The following SMYD4 variants were observed in gnomAD, a reference collection of about 807,000 sequenced individuals.
SMYD4 encodes SET and MYND domain containing 4.
A neutral mutation model predicts 72.8 loss-of-function variants in SMYD4; 68 were observed. The observed-to-expected ratio is 0.93, with a 90% confidence interval of 0.77 to 1.14. SMYD4 has a LOEUF of 1.14. Ranked by LOEUF, SMYD4 falls within the 50% of genes most tolerant of loss-of-function variation. The pLI is 0.00. For missense variants in SMYD4, 984 were observed against 1,003.7 expected, an observed-to-expected ratio of 0.98 and a Z score of 0.27; for synonymous variants, 407 against 388.6, an observed-to-expected ratio of 1.05 and a Z score of -0.56.
intron 2 of SMYD4, among the ~76,000 whole-genome samples, chr17:1,816,606 C>G (rs574096781): frequency 6.7e-6 from 1 of 149,808 alleles, no homozygotes; most frequent in African/African-American, 2.5e-5. Flanking sequence ...GGCGACAAAG[C>G]GAGACTCTGT....
At chr17:1,792,346 C>A (rs953255155) in intron 5 of SMYD4, among the ~76,000 whole-genome samples, 11 of 151,584 alleles carry the variant, frequency 7.3e-5, no homozygotes, top group African/African-American at 2.7e-4. Context: ...GCCTAAAATG[C>A]ATTTTAGAAT....
intron 2 of SMYD4, among the ~76,000 whole-genome samples, 177 bp downstream of exon 2, chr17:1,827,684 C>T (rs1452487257): frequency 6.6e-6 from 1 of 152,086 alleles, no homozygotes; most frequent in East Asian, 1.9e-4. Flanking sequence ...GCCTGTACTC[C>T]CAGCACCTTG....
chr17:1,794,276 ATT>A (rs57986348), intron 5 of SMYD4, among the ~76,000 whole-genome samples: 4 of 128,428 alleles, frequency 3.1e-5, no homozygotes, highest in Non-Finnish European at 5.0e-5. Flanking sequence ...CACCAGGCTA[ATT>A]TTTTTTTTTT....
rs551268973 is a variant in SMYD4 at position 1,816,769 on chromosome 17, G to A, written c.135-4654C>T. ...CACACTATGGCCTTTTTGTAGGTGT[G>A]TGAAGTGATCTCTCACTGTGGTTTT... On this transcript the variant is annotated intron_variant, in intron 2 of 10. Coordinates refer to ENST00000305513, the MANE Select transcript of SMYD4 (RefSeq NM_052928.3). Among the ~76,000 whole-genome samples, 4 of 151,956 alleles carry A rather than the reference G, an allele frequency of 2.6e-5. No homozygotes were observed. The East Asian group carries it at 5.8e-4, about 22-fold the overall frequency.
At chr17:1,794,105 ATTTTTTTT>A (rs59420310) in intron 5 of SMYD4, among the ~76,000 whole-genome samples, 18 of 12,990 alleles carry the variant, frequency 1.4e-3, no homozygotes, top group African/African-American at 6.5e-3. Flanking sequence ...ATATATATAT[ATTTTTTTT>A]TTTTTTTTTT....
intron 5 of SMYD4, among the ~76,000 whole-genome samples, chr17:1,798,560 C>T (rs1479816151): frequency 6.6e-6 from 1 of 151,312 alleles, no homozygotes; most frequent in African/African-American, 2.4e-5. Context: ...CCCAGGAGTT[C>T]AAGACCAGCC....
At chr17:1,783,617 A>T (rs964855054) in intron 8 of SMYD4, 141 bp from the exon 9 acceptor site, 1 of 1,386,738 alleles carries the variant, frequency 7.2e-7, no homozygotes, top group African/African-American at 1.5e-5. Context: ...CCAACGCACA[A>T]TGTCTGTTCC....
chr17:1,826,607 C>T (rs1287675052), intron 2 of SMYD4, among the ~76,000 whole-genome samples: 3 of 151,302 alleles, frequency 2.0e-5, no homozygotes, highest in Non-Finnish European at 2.9e-5. Flanking sequence ...CAAAACTGAA[C>T]TCATTATTTC....
At chr17:1,816,619 C>CAA (rs780808950) in intron 2 of SMYD4, among the ~76,000 whole-genome samples, 4 of 136,846 alleles carry the variant, frequency 2.9e-5, no homozygotes, top group African/African-American at 8.0e-5. Context: ...GACTCTGTCT[C>CAA]AAAAAAAAAA....
chr17:1,809,267 G>C (rs539539228), intron 3 of SMYD4, among the ~76,000 whole-genome samples: 3 of 152,050 alleles, frequency 2.0e-5, no homozygotes, highest in Non-Finnish European at 4.4e-5. Flanking sequence ...GCCCATATAA[G>C]TATCTTAAAA....
intron 3 of SMYD4, among the ~76,000 whole-genome samples, chr17:1,811,302 C>T (rs1323397362): frequency 6.6e-6 from 1 of 152,116 alleles, no homozygotes; most frequent in Non-Finnish European, 1.5e-5. Context: ...GAACTTTTTC[C>T]GTTTCAGGAC....
intron 2 of SMYD4, among the ~76,000 whole-genome samples, chr17:1,812,791 C>T (rs915813434): frequency 3.3e-5 from 5 of 152,038 alleles, no homozygotes; most frequent in Non-Finnish European, 5.9e-5. Flanking sequence ...TCAAATGGTC[C>T]ACCTGCCTCA....
In SMYD4 at chr17:1,787,512, G is replaced by A. The variant is rs1908764380; in HGVS notation, c.1630C>T (p.Pro544Ser). ...CTAATGAAGGACACGCTGGTGTTGGGGCTACAGGAGTGGTTCAGGAGGCTG... is the reference window on the plus strand; with the variant it reads ...CTAATGAAGGACACGCTGGTGTTGGAGCTACAGGAGTGGTTCAGGAGGCTG... ...VISLLNHSCS[P>S]NTSVSFISTV... Residue 544 changes from proline (P) to serine (S), a missense_variant, in exon 6 of 11, where the codon CCC (proline) becomes TCC (serine). Coordinates refer to ENST00000305513, the MANE Select transcript of SMYD4 (RefSeq NM_052928.3). 2 of 1,587,022 alleles carry A rather than the reference G, an allele frequency of 1.3e-6. No homozygotes were observed. Among genetic ancestry groups the A allele is most frequent in the Non-Finnish European group, 1.7e-6 (2 of 1,166,866 alleles).
At chr17:1,829,218 T>A (rs1295011097) in intron 1 of SMYD4, 1 of 124,616 alleles carries the variant, frequency 8.0e-6, no homozygotes, top group Non-Finnish European at 1.8e-5. Flanking sequence ...TTTCTAATTC[T>A]CAGGTGTCAC....
chr17:1,788,569 T>C (rs1340824296), intron 5 of SMYD4, among the ~76,000 whole-genome samples: 7 of 150,806 alleles, frequency 4.6e-5, no homozygotes, highest in East Asian at 2.0e-4. Flanking sequence ...CACGGTGAAA[T>C]CCCGTCTCTA....
chr17:1,817,554 G>A (rs573309222), intron 2 of SMYD4, among the ~76,000 whole-genome samples: 17 of 152,108 alleles, frequency 1.1e-4, no homozygotes, highest in East Asian at 7.7e-4. Flanking sequence ...GGCTGGTCTC[G>A]AACTCCTGGG....
At chr17:1,828,845 C>A (rs920428591) in intron 1 of SMYD4, among the ~76,000 whole-genome samples, 2 of 152,124 alleles carry the variant, frequency 1.3e-5, no homozygotes, top group Non-Finnish European at 2.9e-5. Flanking sequence ...GATCCGCCAG[C>A]CTTGGCCTCC....
intron 2 of SMYD4, among the ~76,000 whole-genome samples, chr17:1,817,817 G>A (rs1452183336): frequency 6.6e-6 from 1 of 152,018 alleles, no homozygotes; most frequent in Non-Finnish European, 1.5e-5. Flanking sequence ...GGAGGCCGAG[G>A]TGGGCGGATC....
intron 10 of SMYD4, 137 bp downstream of exon 10, chr17:1,782,898 A>T: frequency 7.3e-7 from 1 of 1,365,892 alleles, no homozygotes; most frequent in South Asian, 1.5e-5. Context: ...TTAGCAAAAC[A>T]GAAGGCAAAG....
Sources: allele counts gnomAD v4.1 joint callset (sites outside exome capture counted in the v4.1 genomes callset), GRCh38; gene constraint gnomAD v4.1.1; transcripts MANE v1.5; gene names NCBI Gene and HGNC (gene_info 2026-07-23, HGNC 2026-07-21).